CSMD1: variants seen among roughly 807,000 people sequenced by gnomAD.
CSMD1 encodes CUB and Sushi multiple domains 1.
Under a neutral mutation model 417.5 loss-of-function variants are expected in CSMD1, and 213 were observed. The observed-to-expected ratio is 0.51, with a 90% CI of 0.46 to 0.57. The LOEUF (loss-of-function observed/expected upper bound fraction) is 0.57. CSMD1 is among the 20% of genes least tolerant of loss of function. CSMD1 has a pLI of 0.00. For synonymous variants in CSMD1, 2,862 were observed against 1,736.8 expected (o/e 1.65, Z -16.11); for missense variants, 6,923 against 4,529.7 (o/e 1.53, Z -15.17).
At chr8:3,743,642 C>G (rs1461431751) in intron 6 of CSMD1, among the ~76,000 whole-genome samples, 11 of 152,054 alleles carry the variant, frequency 7.2e-5, no homozygotes. Context: ...TTTTTGGTTC[C>G]TAAATGAGGT....
intron 9 of CSMD1, among the ~76,000 whole-genome samples, chr8:3,578,541 G>A (rs1016949613): frequency 2.0e-5 from 3 of 152,190 alleles, no homozygotes; most frequent in African/African-American, 7.2e-5. Context: ...TTGGGGGGCT[G>A]TATTGAATAC....
At chr8:3,952,910 T>C (rs975412368) in intron 5 of CSMD1, among the ~76,000 whole-genome samples, 1 of 152,202 alleles carries the variant, frequency 6.6e-6, no homozygotes, top group Non-Finnish European at 1.5e-5. Context: ...GAAAGCTGTA[T>C]TGAGTGCAAT....
chr8:4,877,250 G>A lies in CSMD1; in HGVS notation c.85+117082C>T, dbSNP rs191837548. On this transcript the variant is annotated intron_variant, in intron 1 of 69. Transcript: ENST00000635120. Reference sequence around the variant, plus strand: ...CATAAATCTAAACAGATGTACATAAGAAGATCCCAATTTGTAGCCAGTATT... The same window carrying A: ...CATAAATCTAAACAGATGTACATAAAAAGATCCCAATTTGTAGCCAGTATT... 2.2e-3 allele frequency among the ~76,000 whole-genome samples: 332 copies of A among 152,110 alleles called. 2 individuals carry two copies. Among genetic ancestry groups the A allele is most frequent in the African/African-American group, 7.8e-3 (322 of 41,460 alleles).
At chr8:4,686,102 A>T (rs1806364331) in intron 1 of CSMD1, among the ~76,000 whole-genome samples, 1 of 152,108 alleles carries the variant, frequency 6.6e-6, no homozygotes, top group Non-Finnish European at 1.5e-5. Flanking sequence ...TTTTCGTTAC[A>T]GAAGCTGTGT....
At chr8:4,475,815 G>A (rs894513021) in intron 2 of CSMD1, among the ~76,000 whole-genome samples, 2 of 152,024 alleles carry the variant, frequency 1.3e-5, no homozygotes, top group African/African-American at 4.8e-5. Flanking sequence ...ATTTCATTAT[G>A]TTGACCAGGC....
At chr8:4,210,877 G>C (rs929044743) in intron 3 of CSMD1, among the ~76,000 whole-genome samples, 1 of 152,024 alleles carries the variant, frequency 6.6e-6, no homozygotes, top group African/African-American at 2.4e-5. Flanking sequence ...TGTCTTCTTG[G>C]TCCCTCAGAC....
At chr8:2,961,255 T>A in intron 61 of CSMD1, 41 bp from the exon 62 acceptor site, 1 of 1,303,228 alleles carries the variant, frequency 7.7e-7, no homozygotes, top group Non-Finnish European at 1.1e-6. Context: ...GCACCAGATA[T>A]AGTTATTGTG....
chr8:4,204,573 G>A (rs1000553044), intron 3 of CSMD1, among the ~76,000 whole-genome samples: 2 of 152,140 alleles, frequency 1.3e-5, no homozygotes, highest in Admixed American at 6.5e-5. Flanking sequence ...ATACTGAGAG[G>A]AAGATTCAAT....
chr8:3,462,770 T>A (rs1816587436), intron 12 of CSMD1, among the ~76,000 whole-genome samples: 1 of 151,698 alleles, frequency 6.6e-6, no homozygotes. Context: ...TTAAAACCGG[T>A]CCCTTGTGCC....
At position 3,118,486 on chromosome 8, in the gene CSMD1, G is replaced by C. The variant is rs865819789; in HGVS notation, c.6343C>G (p.Pro2115Ala). 6.2e-6 allele frequency: 10 copies of C among 1,613,854 alleles called. No individual in the cohort carries two copies. The highest frequency in any genetic ancestry group is 8.5e-6 in the Non-Finnish European group (10 of 1,179,820). ...GGATGGCCTATTAGAATGTACCCAG[G>C]ATAACACTCGAAAGATACTGATTGC... ...VGQSVSFECY[P>A]GYILIGHPVL... The change falls in exon 42 of 70, where the codon CCT (proline) becomes GCT (alanine). Residue 2115 changes from proline to alanine, a missense_variant. Pro to Ala is a conservative substitution (Grantham distance 27, BLOSUM62 -1). Transcript: ENST00000635120.
chr8:4,650,600 T>C (rs1803832785), intron 1 of CSMD1, among the ~76,000 whole-genome samples: 1 of 151,864 alleles, frequency 6.6e-6, no homozygotes. Flanking sequence ...GGATTTGCTA[T>C]ACAAAGTATT....
chr8:4,313,413 T>C (rs1415780492), intron 3 of CSMD1, among the ~76,000 whole-genome samples: 1 of 151,128 alleles, frequency 6.6e-6, no homozygotes, highest in East Asian at 2.0e-4. Context: ...AGTGTGAAGA[T>C]GCCTGACGGG....
At chr8:4,782,865 C>A (rs966222099) in intron 1 of CSMD1, among the ~76,000 whole-genome samples, 35 of 150,512 alleles carry the variant, frequency 2.3e-4, no homozygotes, top group African/African-American at 8.6e-4. Flanking sequence ...TCAATAAATG[C>A]TAAAAGCTTT....
chr8:3,515,681 T>C (rs545193246), intron 10 of CSMD1, among the ~76,000 whole-genome samples: 1 of 152,300 alleles, frequency 6.6e-6, no homozygotes, highest in East Asian at 1.9e-4. Context: ...AACAAGTCAA[T>C]CATCACATAT....
intron 3 of CSMD1, among the ~76,000 whole-genome samples, chr8:4,105,144 C>T (rs925366734): frequency 3.9e-5 from 6 of 152,102 alleles, no homozygotes; most frequent in African/African-American, 9.7e-5. Flanking sequence ...TCACTAATAA[C>T]GTACAACTGA....
chr8:3,675,033 G>C (rs1465068880), intron 7 of CSMD1, among the ~76,000 whole-genome samples: 1 of 152,168 alleles, frequency 6.6e-6, no homozygotes, highest in Non-Finnish European at 1.5e-5. Flanking sequence ...AGGGATTTAG[G>C]TGGATGTATT....
intron 22 of CSMD1, among the ~76,000 whole-genome samples, chr8:3,344,284 C>T (rs1444236062): frequency 6.6e-6 from 1 of 152,094 alleles, no homozygotes; most frequent in Admixed American, 6.6e-5. Flanking sequence ...CTGCCAATGC[C>T]ATGAGGCTCA....
At chr8:3,178,701 A>G (rs1246844455) in intron 37 of CSMD1, among the ~76,000 whole-genome samples, 2 of 152,190 alleles carry the variant, frequency 1.3e-5, no homozygotes, top group African/African-American at 4.8e-5. Context: ...TAACAAGTTT[A>G]GAGCAAGACC....
chr8:3,895,985 A>G (rs2129130482), intron 5 of CSMD1, among the ~76,000 whole-genome samples: 1 of 152,332 alleles, frequency 6.6e-6, no homozygotes, highest in African/African-American at 2.4e-5. Context: ...CTCCCCTATT[A>G]CTGTAAATCA....
Sources: allele counts gnomAD v4.1 joint callset (sites outside exome capture counted in the v4.1 genomes callset), GRCh38; gene constraint gnomAD v4.1.1; transcripts MANE v1.5; gene names NCBI Gene and HGNC (gene_info 2026-07-23, HGNC 2026-07-21).